Variants in FAM178B observed in about 807,000 individuals in gnomAD.
The protein encoded by FAM178B is family with sequence similarity 178 member B.
A neutral mutation model predicts 91.7 loss-of-function variants in FAM178B; 82 were observed. The observed-to-expected ratio is 0.89, with a 90% CI of 0.75 to 1.07. The LOEUF is 1.07. FAM178B is among the 50% of genes least tolerant of loss of function. FAM178B has a pLI of 0.00. For missense variants in FAM178B, 769 were observed against 846.7 expected (o/e 0.91, Z 1.14); for synonymous variants, 368 against 359.4 (o/e 1.02, Z -0.27).
intron 6 of FAM178B, among the ~76,000 whole-genome samples, chr2:96,953,999 G>A (rs1163757942): frequency 2.6e-5 from 4 of 152,230 alleles, no homozygotes; most frequent in African/African-American, 9.6e-5. Flanking sequence ...CGCCTTGGGT[G>A]ACAGAATTGG....
In FAM178B at chr2:96,906,924, G is replaced by GCTCGTTTA. The variant is rs543769777; in HGVS notation, c.1563-4225_1563-4218dup. Among the ~76,000 whole-genome samples, 63 of 152,344 alleles carry GCTCGTTTA rather than the reference G, an allele frequency of 4.1e-4. 1 individual carries two copies. In the East Asian group the frequency reaches 7.3e-3, roughly 18 times the overall value. On this transcript the variant is annotated intron_variant, in intron 12 of 16. Transcript: ENST00000490605. ...TCCAAAACTTGAGGCCTGCGCGGGA[G>GCTCGTTTA]CTCGTTTACTCGTTTACTCACAGCG...
intron 11 of FAM178B, 78 bp downstream of exon 11, chr2:96,921,400 C>T (rs2081336867): frequency 1.3e-6 from 2 of 1,523,244 alleles, no homozygotes; most frequent in African/African-American, 1.4e-5. Flanking sequence ...AGTGCCATCC[C>T]CACCCAGGGC....
intron 8 of FAM178B, among the ~76,000 whole-genome samples, chr2:96,946,421 C>T (rs570132309): frequency 1.3e-5 from 2 of 152,282 alleles, no homozygotes; most frequent in South Asian, 4.1e-4. Flanking sequence ...TCTAATGGAC[C>T]GGGCCTCTCA....
At chr2:96,984,596 C>T (rs180975986) in intron 1 of FAM178B, among the ~76,000 whole-genome samples, 181 of 152,338 alleles carry the variant, frequency 1.2e-3, no homozygotes, top group African/African-American at 4.2e-3. Context: ...CTGACTCTAG[C>T]TGCTGCAAAA....
chr2:96,917,769 T>C (rs950618550), intron 12 of FAM178B, among the ~76,000 whole-genome samples: 6 of 152,122 alleles, frequency 3.9e-5, no homozygotes, highest in Non-Finnish European at 7.3e-5. Flanking sequence ...GGCAGGAGGA[T>C]TACTTGATCC....
intron 16 of FAM178B, among the ~76,000 whole-genome samples, chr2:96,877,493 C>A (rs969970357): frequency 3.9e-5 from 6 of 152,016 alleles, no homozygotes; most frequent in Admixed American, 3.9e-4. Flanking sequence ...ACCTCCGCCT[C>A]CTGGGTTCAA....
intron 1 of FAM178B, among the ~76,000 whole-genome samples, chr2:96,982,506 AC>A (rs1457635730): frequency 2.0e-5 from 3 of 151,230 alleles, no homozygotes; most frequent in African/African-American, 7.3e-5. Context: ...CAAGCAATCC[AC>A]CCGCCTCAGT....
rs183152836 is a variant in FAM178B at position 96,956,061 on chromosome 2, C to G, written c.887+4227G>C. Among the ~76,000 whole-genome samples the G allele has an allele frequency of 1.9e-4, 29 of 152,344 alleles. No homozygotes were observed. In the East Asian group the frequency reaches 3.7e-3, roughly 19 times the overall value. ...GTGGCAGATGCACCCAGAGGACAAACGCACACCCCAATGTCCTTGCAAATA... is the reference window on the plus strand; with the variant it reads ...GTGGCAGATGCACCCAGAGGACAAAGGCACACCCCAATGTCCTTGCAAATA... On this transcript the variant is annotated intron_variant, in intron 6 of 16. Coordinates refer to ENST00000490605, the MANE Select transcript of FAM178B (RefSeq NM_001122646.3).
At chr2:96,927,162 T>C (rs1195507305) in intron 9 of FAM178B, among the ~76,000 whole-genome samples, 1 of 152,154 alleles carries the variant, frequency 6.6e-6, no homozygotes, top group Non-Finnish European at 1.5e-5. Flanking sequence ...GCTTCCCGAA[T>C]ACTCCGGAGG....
intron 8 of FAM178B, among the ~76,000 whole-genome samples, chr2:96,934,263 C>T (rs1290997223): frequency 6.6e-6 from 1 of 152,198 alleles, no homozygotes; most frequent in East Asian, 1.9e-4. Flanking sequence ...CTGGAGCACC[C>T]TGAGTGACTT....
chr2:96,929,371 G>A (rs1045826625), intron 8 of FAM178B, 51 bp from the exon 9 acceptor site: 1 of 1,368,846 alleles, frequency 7.3e-7, no homozygotes, highest in Non-Finnish European at 1.0e-6. Flanking sequence ...GGAGGGCAGG[G>A]TGCACCACTC....
At chr2:96,902,109 A>ATTTTT (rs373394292) in intron 13 of FAM178B, among the ~76,000 whole-genome samples, 1 of 138,356 alleles carries the variant, frequency 7.2e-6, no homozygotes, top group African/African-American at 2.6e-5. Flanking sequence ...TTTTACTACA[A>ATTTTT]TTTTTTTTTT....
At chr2:96,942,539 C>T (rs1482993036) in intron 8 of FAM178B, among the ~76,000 whole-genome samples, 9 of 152,128 alleles carry the variant, frequency 5.9e-5, no homozygotes, top group Non-Finnish European at 4.4e-5. Context: ...ATTACAGGTG[C>T]CTGCCACCAT....
Position 96,941,520 on chromosome 2 carries a change from C to T in FAM178B, c.1078+6298G>A, listed in dbSNP as rs2081730278. Among the ~76,000 whole-genome samples the T allele has an allele frequency of 5.9e-5, 9 of 152,296 alleles. No homozygotes were observed. The South Asian group carries it at 1.9e-3, about 32-fold the overall frequency. ...GGCCCCAGTGGCCACGAGGCCAGAG[C>T]TCGAGGAGAACAAAGGGAAAAGCAT... On this transcript the variant is annotated intron_variant, in intron 8 of 16. Coordinates refer to ENST00000490605, the MANE Select transcript of FAM178B (RefSeq NM_001122646.3).
At chr2:96,962,839 T>C (rs2082100276) in intron 5 of FAM178B, among the ~76,000 whole-genome samples, 1 of 152,178 alleles carries the variant, frequency 6.6e-6, no homozygotes, top group Admixed American at 6.5e-5. Context: ...AGATGACGCC[T>C]TGTCTGGCAG....
chr2:96,949,346 G>A (rs932856504), intron 7 of FAM178B, among the ~76,000 whole-genome samples: 4 of 152,158 alleles, frequency 2.6e-5, no homozygotes, highest in African/African-American at 7.2e-5. Context: ...CCCACTTCCC[G>A]AGTTGCCTTT....
At chr2:96,959,027 C>T (rs1173708812) in intron 6 of FAM178B, among the ~76,000 whole-genome samples, 1 of 151,406 alleles carries the variant, frequency 6.6e-6, no homozygotes, top group African/African-American at 2.4e-5. Context: ...GGTGAAACCC[C>T]GTCTCTACTA....
At chr2:96,961,310 A>AGGGT (rs1553508256) in intron 5 of FAM178B, among the ~76,000 whole-genome samples, 12 of 78,870 alleles carry the variant, frequency 1.5e-4, no homozygotes, top group Non-Finnish European at 2.1e-4. Context: ...ACAGCAGCAG[A>AGGGT]GGGTGTGTGT....
intron 12 of FAM178B, among the ~76,000 whole-genome samples, chr2:96,907,464 G>C (rs768148861): frequency 6.6e-6 from 1 of 152,146 alleles, no homozygotes; most frequent in Admixed American, 6.5e-5. Context: ...GTTCAGAGGA[G>C]GAGGCAGAAG....
Sources: allele counts gnomAD v4.1 joint callset (sites outside exome capture counted in the v4.1 genomes callset), GRCh38; gene constraint gnomAD v4.1.1; transcripts MANE v1.5; gene names NCBI Gene and HGNC (gene_info 2026-07-23, HGNC 2026-07-21).